The following OIT3 variants were observed in gnomAD, a reference collection of about 807,000 sequenced individuals.
OIT3 encodes the protein oncoprotein induced transcript 3, also known as oncoprotein-induced transcript 3 protein.
OIT3 carries 41 observed loss-of-function variants against 52.2 expected under a neutral mutation model. The ratio of observed to expected loss-of-function variants is 0.79; its 90% CI spans 0.61 to 1.02. OIT3 has a LOEUF of 1.02. OIT3 is among the 50% of genes least tolerant of loss of function. The pLI, the probability that OIT3 is intolerant of heterozygous loss-of-function variation, is 0.00. For missense variants in OIT3, 634 were observed against 715.5 expected, an observed-to-expected ratio of 0.89 and a Z score of 1.30; for synonymous variants, 244 against 276.9, an observed-to-expected ratio of 0.88 and a Z score of 1.18.
chr10:72,914,540 C>T (rs1406589597), intron 6 of OIT3, among the ~76,000 whole-genome samples: 1 of 152,180 alleles, frequency 6.6e-6, no homozygotes, highest in Non-Finnish European at 1.5e-5. Context: ...TTATGTCGAT[C>T]GTATCTGTGG....
At position 72,924,597 on chromosome 10, in the gene OIT3, C is replaced by A. The variant is rs573330183; in HGVS notation, c.1320C>A (p.Pro440=). ...ESLVESCFAT[P]TSKIDEVLKY... ...TGGTGGAGAGCTGCTTTGCCACCCC[C>A]ACCTCCAAGATCGACGAGGTCCTGA... The change falls in exon 7 of 9, where the codon CCC becomes CCA. Residue 440 remains proline, a synonymous_variant. Coordinates refer to ENST00000334011, the MANE Select transcript of OIT3 (RefSeq NM_152635.3). 60 of 1,613,970 alleles carry A rather than the reference C, an allele frequency of 3.7e-5. No homozygotes were observed. The South Asian group carries it at 6.3e-4, about 17-fold the overall frequency.
chr10:72,900,908 A>C (rs1384751911), intron 3 of OIT3, among the ~76,000 whole-genome samples: 1 of 152,046 alleles, frequency 6.6e-6, no homozygotes, highest in Non-Finnish European at 1.5e-5. Flanking sequence ...TCTCTACAAA[A>C]AATATGAAAA....
intron 6 of OIT3, chr10:72,918,578 AT>A: frequency 1.2e-6 from 1 of 868,222 alleles, no homozygotes; most frequent in Non-Finnish European, 1.9e-6. Context: ...GCGGATGGAG[AT>A]AAACCACCAC....
At position 72,913,104 on chromosome 10, in the gene OIT3, A is replaced by C. The variant is rs143776980; in HGVS notation, c.791-204A>C. Among the ~76,000 whole-genome samples, 120 of 152,362 alleles carry C rather than the reference A, an allele frequency of 7.9e-4. 1 individual carries two copies. The East Asian group carries it at 0.02, about 25-fold the overall frequency. ...AACCTGGTATTTCCTAATTCAGGGA[A>C]CCATATATTTGAGGAACATTATTTC... On this transcript the variant is annotated intron_variant, in intron 5 of 8. Transcript: ENST00000334011.
intron 3 of OIT3, 31 bp from the exon 4 acceptor site, chr10:72,906,565 G>A: frequency 6.2e-7 from 1 of 1,613,408 alleles, no homozygotes; most frequent in Non-Finnish European, 8.5e-7. Flanking sequence ...TCACTCAGCA[G>A]TATAGAAACA....
intron 6 of OIT3, among the ~76,000 whole-genome samples, chr10:72,919,380 C>A (rs1307976777): frequency 1.3e-5 from 2 of 152,168 alleles, no homozygotes; most frequent in Non-Finnish European, 2.9e-5. Flanking sequence ...GATATGGAAT[C>A]TTGTCATCTG....
intron 6 of OIT3, chr10:72,918,026 G>GTCATCA (rs368236923): frequency 6.1e-6 from 5 of 818,206 alleles, no homozygotes; most frequent in African/African-American, 1.7e-5. Flanking sequence ...CTTCTTCATC[G>GTCATCA]TCATCATCAT....
intron 6 of OIT3, among the ~76,000 whole-genome samples, chr10:72,914,998 T>A (rs190062507): frequency 1.3e-5 from 2 of 152,238 alleles, no homozygotes; most frequent in Admixed American, 1.3e-4. Context: ...CCCAAGTAGC[T>A]GGGATTACAG....
At chr10:72,918,509 A>T (rs1480940880) in intron 6 of OIT3, 4 of 1,407,228 alleles carry the variant, frequency 2.8e-6, no homozygotes, top group South Asian at 1.1e-5. Context: ...CAGGAGGCTC[A>T]TGTCCATGTC....
Position 72,930,578 on chromosome 10 carries a change from G to C in OIT3, c.1408G>C (p.Asp470His). The change falls in exon 8 of 9, where the codon GAT becomes CAT. Residue 470 changes from aspartate (D) to histidine (H), a missense_variant. By Grantham distance (81) the Asp-to-His change is moderately conservative (BLOSUM62 -1). Transcript: ENST00000334011. ...CTCGGTAAAGCAGTACACATCCCGG[G>C]ATCACCTAGCAAAGCACTTCCAGGT... ...DDSVKQYTSR[D>H]HLAKHFQVPV... The C allele has an allele frequency of 1.2e-6, 2 of 1,613,656 alleles. No individual in the cohort carries two copies. The highest frequency in any genetic ancestry group is 1.7e-6 in the Non-Finnish European group (2 of 1,179,840).
chr10:72,914,994 T>C (rs1010501550), intron 6 of OIT3, among the ~76,000 whole-genome samples: 2 of 152,104 alleles, frequency 1.3e-5, no homozygotes, highest in African/African-American at 4.8e-5. Context: ...GCCTCCCAAG[T>C]AGCTGGGATT....
chr10:72,925,026 G>A (rs568063348), intron 7 of OIT3, among the ~76,000 whole-genome samples: 43 of 150,828 alleles, frequency 2.9e-4, no homozygotes, highest in Admixed American at 2.6e-3. Context: ...CAGGAGAATC[G>A]CTTGAACCCG....
chr10:72,903,172 A>G (rs947696613), intron 3 of OIT3, among the ~76,000 whole-genome samples: 1 of 152,198 alleles, frequency 6.6e-6, no homozygotes, highest in African/African-American at 2.4e-5. Context: ...ATAATATAAC[A>G]GACACTCATG....
At chr10:72,898,347 G>A (rs1278425603) in intron 1 of OIT3, among the ~76,000 whole-genome samples, 3 of 152,130 alleles carry the variant, frequency 2.0e-5, no homozygotes, top group African/African-American at 4.8e-5. Context: ...GGTCTGACTC[G>A]TGCAGAGTTC....
chr10:72,927,483 T>A (rs775041949), intron 7 of OIT3, among the ~76,000 whole-genome samples: 6 of 152,218 alleles, frequency 3.9e-5, no homozygotes, highest in Non-Finnish European at 5.9e-5. Flanking sequence ...CTGCGCTATT[T>A]ATTTTGCCAG....
At chr10:72,913,797 A>G (rs1846051457) in intron 6 of OIT3, 2 of 405,218 alleles carry the variant, frequency 4.9e-6, no homozygotes, top group Admixed American at 3.2e-5. Flanking sequence ...GAAGAAAGCA[A>G]CTAATACAGT....
intron 5 of OIT3, 86 bp from the exon 6 acceptor site, chr10:72,913,222 T>C: frequency 8.8e-7 from 1 of 1,131,434 alleles, no homozygotes; most frequent in Non-Finnish European, 1.2e-6. Flanking sequence ...AAAGCTTGGG[T>C]TGTGTGAGGG....
At chr10:72,930,720 C>CAAG (rs1846209660) in intron 8 of OIT3, 83 bp downstream of exon 8, 1 of 823,234 alleles carries the variant, frequency 1.2e-6, no homozygotes, top group Non-Finnish European at 2.0e-6. Flanking sequence ...GTTGACATTC[C>CAAG]AAGAGCCCAC....
Position 72,929,876 on chromosome 10 carries a change from G to T in OIT3, c.1368-662G>T, listed in dbSNP as rs151191586. Among the ~76,000 whole-genome samples the T allele has an allele frequency of 8.2e-4, 125 of 152,248 alleles. 1 individual carries two copies. The highest frequency in any genetic ancestry group is 2.6e-3 in the African/African-American group (108 of 41,552). ...TTCTTTTCCCCCAGCTAACCCTGAA[G>T]TGAACCTAGGTGTTTTGCTTTAAGC... On this transcript the variant is annotated intron_variant, in intron 7 of 8. Transcript: ENST00000334011.
Sources: gnomAD v4.1 joint callset for allele counts (sites outside exome capture counted in the v4.1 genomes callset) on GRCh38, gnomAD v4.1.1 for gene constraint, MANE v1.5 for transcripts, NCBI Gene and HGNC (gene_info 2026-07-23, HGNC 2026-07-21) for gene names.